PPFIA2: variants seen among roughly 807,000 people sequenced by gnomAD.
The protein encoded by PPFIA2 is liprin-alpha-2.
A neutral mutation model predicts 175.5 loss-of-function variants in PPFIA2; 46 were observed. The ratio of observed to expected loss-of-function variants is 0.26; its 90% CI spans 0.21 to 0.34. The LOEUF (loss-of-function observed/expected upper bound fraction) is 0.34, where lower values mean the gene tolerates loss of function less well. PPFIA2 is among the 10% of genes least tolerant of loss of function. The probability of loss-of-function intolerance (pLI) is 1.00; values close to 1 mark genes in which losing one functional copy is unlikely to be tolerated. For missense variants in PPFIA2, 1,179 were observed against 1,506.1 expected, an observed-to-expected ratio of 0.78 and a Z score of 3.60; for synonymous variants, 568 against 511.4, an observed-to-expected ratio of 1.11 and a Z score of -1.49.
At chr12:81,295,704 T>A (rs1002294733) in intron 23 of PPFIA2, among the ~76,000 whole-genome samples, 1 of 152,132 alleles carries the variant, frequency 6.6e-6, no homozygotes, top group African/African-American at 2.4e-5. Context: ...AATTAGAGAT[T>A]TTAAGACTGG....
At chr12:81,354,804 C>A (rs955962182) in intron 16 of PPFIA2, among the ~76,000 whole-genome samples, 3 of 152,038 alleles carry the variant, frequency 2.0e-5, no homozygotes, top group African/African-American at 7.2e-5. Flanking sequence ...CAACCACACC[C>A]AGCTAATTTT....
intron 18 of PPFIA2, 142 bp from the exon 19 acceptor site, chr12:81,344,835 T>A: frequency 1.6e-6 from 1 of 611,766 alleles, no homozygotes; most frequent in Non-Finnish European, 2.8e-6. Flanking sequence ...AAACATATTT[T>A]AATTACTATA....
chr12:81,335,245 A>G (rs2056907888), intron 21 of PPFIA2, among the ~76,000 whole-genome samples: 1 of 152,184 alleles, frequency 6.6e-6, no homozygotes, highest in Non-Finnish European at 1.5e-5. Context: ...TAATGAAAAT[A>G]TCAGAGATGC....
intron 22 of PPFIA2, among the ~76,000 whole-genome samples, chr12:81,321,642 C>G (rs893314388): frequency 4.6e-5 from 7 of 151,894 alleles, no homozygotes; most frequent in Non-Finnish European, 8.8e-5. Context: ...CACTATTTAC[C>G]TAAGCCATGC....
intron 3 of PPFIA2, among the ~76,000 whole-genome samples, chr12:81,731,580 A>G (rs1292602985): frequency 6.6e-6 from 1 of 151,672 alleles, no homozygotes. Flanking sequence ...AAGACACTTC[A>G]GTTAATTAAA....
At chr12:81,662,805 A>C (rs1448121324) in intron 4 of PPFIA2, among the ~76,000 whole-genome samples, 2 of 152,218 alleles carry the variant, frequency 1.3e-5, no homozygotes, top group African/African-American at 4.8e-5. Flanking sequence ...AATCCTCAGT[A>C]AAATACTGGC....
At chr12:81,277,921 C>G (rs10862278) in intron 27 of PPFIA2, among the ~76,000 whole-genome samples, 27,341 of 151,948 alleles carry the variant, frequency 0.18, 2,630 homozygotes, top group Middle Eastern at 0.22. Context: ...GTAAGAAGAA[C>G]CAGTCAGCAG....
intron 4 of PPFIA2, among the ~76,000 whole-genome samples, chr12:81,567,263 A>T (rs1269570543): frequency 6.6e-6 from 1 of 152,068 alleles, no homozygotes; most frequent in African/African-American, 2.4e-5. Flanking sequence ...GTTAGCCAGG[A>T]TGGTCTCGAT....
chr12:81,473,683 T>C (rs946128423), intron 4 of PPFIA2, among the ~76,000 whole-genome samples: 7 of 152,220 alleles, frequency 4.6e-5, no homozygotes, highest in Non-Finnish European at 8.8e-5. Flanking sequence ...CATGCTGTTC[T>C]GGAATTGTAA....
chr12:81,710,436 A>G (rs1257202240), intron 3 of PPFIA2, among the ~76,000 whole-genome samples: 2 of 152,202 alleles, frequency 1.3e-5, no homozygotes, highest in East Asian at 3.9e-4. Flanking sequence ...TAAATATTTA[A>G]TCAAGAAGTT....
chr12:81,648,971 A>G (rs2066595874), intron 4 of PPFIA2, among the ~76,000 whole-genome samples: 1 of 152,084 alleles, frequency 6.6e-6, no homozygotes, highest in Non-Finnish European at 1.5e-5. Flanking sequence ...ACAAAAATTA[A>G]TCATTCACAG....
At position 81,758,479 on chromosome 12, in the gene PPFIA2, C is replaced by CTCA. The variant is rs1195447970; in HGVS notation, c.-85_-83dup. The CTCA allele has an allele frequency of 4.4e-6, 2 of 456,308 alleles. No homozygotes were observed. Among genetic ancestry groups the CTCA allele is most frequent in the Non-Finnish European group, 8.8e-6 (2 of 226,706 alleles). 28.3% of individuals were successfully genotyped at this position (456,308 alleles called of 1,614,324 possible). A position where few individuals can be genotyped will look rare whatever the true frequency, so the allele number is the denominator to read the frequency against. ...GTCTCCGGCTTGAGGAGAAGGGAGGCTCACACCCAGCACTCCTGGACCATT... is the reference window on the plus strand; with the variant it reads ...GTCTCCGGCTTGAGGAGAAGGGAGGCTCATCACACCCAGCACTCCTGGACCATT... On this transcript the variant is annotated 5_prime_UTR_variant, in exon 2 of 33. In the 5' UTR this introduces an upstream ATG that the reference lacks. Coordinates refer to ENST00000549396, the MANE Select transcript of PPFIA2 (RefSeq NM_003625.5).
At chr12:81,334,489 CAAAAAA>C (rs34576372) in intron 21 of PPFIA2, among the ~76,000 whole-genome samples, 1 of 145,848 alleles carries the variant, frequency 6.9e-6, no homozygotes. Flanking sequence ...CTCCCTCCAC[CAAAAAA>C]AAAAAAAAAT....
At chr12:81,385,391 T>C (rs1334244087) in intron 8 of PPFIA2, among the ~76,000 whole-genome samples, 2 of 152,134 alleles carry the variant, frequency 1.3e-5, no homozygotes, top group African/African-American at 2.4e-5. Flanking sequence ...GTGGAAGAGA[T>C]ATCTGCACTC....
intron 4 of PPFIA2, among the ~76,000 whole-genome samples, chr12:81,462,585 CATATATATATAT>C (rs71098145): frequency 4.9e-4 from 61 of 124,672 alleles, no homozygotes; most frequent in South Asian, 7.9e-4. Flanking sequence ...TATATATATA[CATATATATATAT>C]ATATATATAT....
chr12:81,299,157 A>C lies in PPFIA2; in HGVS notation c.2724+144T>G, dbSNP rs971733696. ...AGTGTCAGCATAAAATCATAAATTTATTCCCTAGTAAGCAAATAGTCCCTT... is the reference window on the plus strand; with the variant it reads ...AGTGTCAGCATAAAATCATAAATTTCTTCCCTAGTAAGCAAATAGTCCCTT... On this transcript the variant is annotated intron_variant, in intron 23 of 32. Coordinates refer to ENST00000549396, the MANE Select transcript of PPFIA2 (RefSeq NM_003625.5). 4.6e-6 allele frequency: 5 copies of C among 1,078,624 alleles called. No homozygotes were observed. The African/African-American group carries it at 6.3e-5, about 14-fold the overall frequency. The allele number at this position is 1,078,624 out of a possible 1,614,324, so 66.8% of individuals were successfully genotyped here.
At chr12:81,365,817 T>C (rs2141339673) in intron 14 of PPFIA2, among the ~76,000 whole-genome samples, 1 of 151,930 alleles carries the variant, frequency 6.6e-6, no homozygotes, top group African/African-American at 2.4e-5. Context: ...TAAAGACCTA[T>C]CTTTCAGGAG....
At chr12:81,421,945 C>A (rs11114858) in intron 7 of PPFIA2, among the ~76,000 whole-genome samples, 21,935 of 151,040 alleles carry the variant, frequency 0.15, 2,290 homozygotes, top group East Asian at 0.36. Flanking sequence ...AAACGGTAAT[C>A]AAAAGAAAGC....
At chr12:81,727,595 T>A (rs1157660567) in intron 3 of PPFIA2, among the ~76,000 whole-genome samples, 5 of 151,336 alleles carry the variant, frequency 3.3e-5, no homozygotes, top group African/African-American at 1.2e-4. Context: ...CAAGACCTAC[T>A]GAAACAGAAT....
Sources: gnomAD v4.1 joint callset for allele counts (sites outside exome capture counted in the v4.1 genomes callset) on GRCh38, gnomAD v4.1.1 for gene constraint, MANE v1.5 for transcripts, NCBI Gene and HGNC (gene_info 2026-07-23, HGNC 2026-07-21) for gene names.